ENPP4: variants seen among roughly 807,000 people sequenced by gnomAD.
ENPP4 encodes the protein bis(5'-adenosyl)-triphosphatase ENPP4.
A neutral mutation model predicts 33.4 loss-of-function variants in ENPP4; 18 were observed. The ratio of observed to expected loss-of-function variants is 0.54; its 90% CI spans 0.37 to 0.80. The LOEUF (loss-of-function observed/expected upper bound fraction) is 0.80, where lower values mean the gene tolerates loss of function less well. ENPP4 is among the 30% of genes least tolerant of loss of function. The probability of loss-of-function intolerance (pLI) is 0.00; values close to 1 mark genes in which losing one functional copy is unlikely to be tolerated. For synonymous variants in ENPP4, 172 were observed against 189.9 expected, an observed-to-expected ratio of 0.91 and a Z score of 0.78; for missense variants, 480 against 541.7, an observed-to-expected ratio of 0.89 and a Z score of 1.13.
At position 46,133,990 on chromosome 6, in the gene ENPP4, T is replaced by C. The variant is rs1200301793; in HGVS notation, c.-34+3801T>C. 2.6e-5 allele frequency among the ~76,000 whole-genome samples: 4 copies of C among 152,304 alleles called. No homozygotes were observed. In the East Asian group the frequency reaches 7.7e-4, roughly 29 times the overall value. ...AGTAAGAACACAGTGAAGCAACTGA[T>C]TGCTTTCTGAGCCCGGCTAATCACT... On this transcript the variant is annotated intron_variant, in intron 1 of 3. Transcript: ENST00000321037.
intron 1 of ENPP4, among the ~76,000 whole-genome samples, chr6:46,132,963 A>G (rs10807335): frequency 0.45 from 67,645 of 151,308 alleles, 16,398 homozygotes; most frequent in South Asian, 0.68. Context: ...TCTGTTGTTG[A>G]TGTATAAGAA....
intron 1 of ENPP4, among the ~76,000 whole-genome samples, chr6:46,138,215 A>G (rs1234150598): frequency 6.6e-6 from 1 of 151,762 alleles, no homozygotes; most frequent in East Asian, 1.9e-4. Flanking sequence ...AAACTTCTCT[A>G]CTTCTTACTT....
In ENPP4 at chr6:46,143,513, T is replaced by C. The variant is rs1018417597; in HGVS notation, c.1235T>C (p.Ile412Thr). 6.2e-7 allele frequency: 1 copy of C among 1,612,904 alleles called. No individual in the cohort carries two copies. The highest frequency in any genetic ancestry group is 1.7e-5 in the Admixed American group (1 of 59,930). Residue 412 changes from isoleucine to threonine, a missense_variant, in exon 4 of 4, where the codon ATC (isoleucine) becomes ACC (threonine). Physicochemically the swap from Ile to Thr is moderately conservative, Grantham distance 89. This residue lies in a region of ENPP4 where 249 missense variants were observed against 251.8 expected (regional missense o/e 0.99). Coordinates refer to ENST00000321037, the MANE Select transcript of ENPP4 (RefSeq NM_014936.5). ...INLPEAIAIVIGSLLVLTMLT... is the reference protein window; with the variant it reads ...INLPEAIAIVTGSLLVLTMLT... ...CTCCCAGAAGCCATCGCGATTGTTATCGGTTCACTCTTGGTGTTAACCATG... is the reference window on the plus strand; with the variant it reads ...CTCCCAGAAGCCATCGCGATTGTTACCGGTTCACTCTTGGTGTTAACCATG...
At chr6:46,131,543 A>C (rs2127491478) in intron 1 of ENPP4, among the ~76,000 whole-genome samples, 1 of 152,168 alleles carries the variant, frequency 6.6e-6, no homozygotes, top group Admixed American at 6.5e-5. Flanking sequence ...ACATTTTCTT[A>C]ATCCAGTCTA....
intron 1 of ENPP4, among the ~76,000 whole-genome samples, chr6:46,136,424 A>G (rs1257121813): frequency 2.6e-5 from 4 of 152,004 alleles, no homozygotes; most frequent in Non-Finnish European, 4.4e-5. Context: ...ATATTCTGGA[A>G]GTGCAAACTA....
At position 46,143,597 on chromosome 6, in the gene ENPP4, G is replaced by T; in HGVS notation, c.1319G>T (p.Arg440Leu). 6.2e-7 allele frequency: 1 copy of T among 1,611,852 alleles called. No individual in the cohort carries two copies. Among genetic ancestry groups the T allele is most frequent in the Non-Finnish European group, 8.5e-7 (1 of 1,178,558 alleles). The stretch of plus-strand genomic sequence containing the variant: ...CTTTCTGTACCTCGTCCATTTTCTC[G>T]ACTTCAGCTACAAGAAGATGATGAT... ...NRLSVPRPFS[R>L]LQLQEDDDDP... The change falls in exon 4 of 4, where the codon CGA (arginine) becomes CTA (leucine). Residue 440 changes from arginine (R) to leucine (L), a missense_variant. This residue lies in a region of ENPP4 where 249 missense variants were observed against 251.8 expected (regional missense o/e 0.99). Coordinates refer to ENST00000321037, the MANE Select transcript of ENPP4 (RefSeq NM_014936.5).
chr6:46,146,678 TTAAATA>T lies in ENPP4; in HGVS notation c.*3043_*3048del, dbSNP rs1459432934. 6.6e-6 allele frequency: 1 copy of T among 152,008 alleles called. No individual in the cohort carries two copies. Among genetic ancestry groups the T allele is most frequent in the Non-Finnish European group, 1.5e-5 (1 of 67,908 alleles). The allele number at this position is 152,008 out of a possible 1,614,324, so 9.4% of individuals were successfully genotyped here. ...TACCAAAAAATTCTTACTGTAATTA[TTAAATA>T]TAAAGTTCAGTGTCACTGGTGATTT... On this transcript the variant is annotated 3_prime_UTR_variant, in exon 4 of 4. Coordinates refer to ENST00000321037, the MANE Select transcript of ENPP4 (RefSeq NM_014936.5).
intron 1 of ENPP4, among the ~76,000 whole-genome samples, chr6:46,136,650 A>G (rs1036622237): frequency 3.3e-5 from 5 of 151,936 alleles, no homozygotes; most frequent in African/African-American, 1.2e-4. Context: ...GGCTTTTTGT[A>G]TAGGCAGGGG....
At position 46,138,732 on chromosome 6, in the gene ENPP4, A is replaced by G. The variant is rs368324616; in HGVS notation, c.-33-819A>G. On this transcript the variant is annotated intron_variant, in intron 1 of 3. Coordinates refer to ENST00000321037, the MANE Select transcript of ENPP4 (RefSeq NM_014936.5). Reference sequence around the variant, plus strand: ...TTAGAGACCAAAGAAGATAGAGAGCAAAGGCAGGGAGATTTATTAGGGAAA... The same window carrying G: ...TTAGAGACCAAAGAAGATAGAGAGCGAAGGCAGGGAGATTTATTAGGGAAA... Among the ~76,000 whole-genome samples the G allele has an allele frequency of 3.1e-4, 47 of 152,040 alleles. No homozygotes were observed. The South Asian group carries it at 8.9e-3, about 29-fold the overall frequency.
Position 46,135,910 on chromosome 6 carries a change from G to T in ENPP4, c.-33-3641G>T, listed in dbSNP as rs377159805. ...ATATCCAGTTGTCCCTCTACCATTTGTTGAATTGTCTTGGCACCCCTCTGC... is the reference window on the plus strand; with the variant it reads ...ATATCCAGTTGTCCCTCTACCATTTTTTGAATTGTCTTGGCACCCCTCTGC... On this transcript the variant is annotated intron_variant, in intron 1 of 3. Coordinates refer to ENST00000321037, the MANE Select transcript of ENPP4 (RefSeq NM_014936.5). Among the ~76,000 whole-genome samples the T allele has an allele frequency of 2.6e-4, 40 of 152,088 alleles. No homozygotes were observed. In the South Asian group the frequency reaches 7.9e-3, roughly 30 times the overall value.
chr6:46,140,042 T>C lies in ENPP4; in HGVS notation c.459T>C (p.Asn153=). 2 of 1,612,662 alleles carry C rather than the reference T, an allele frequency of 1.2e-6. No homozygotes were observed. Among genetic ancestry groups the C allele is most frequent in the Non-Finnish European group, 1.7e-6 (2 of 1,179,018 alleles). The change falls in exon 2 of 4, where the codon AAT becomes AAC. Residue 153 remains asparagine, a synonymous_variant. Coordinates refer to ENST00000321037, the MANE Select transcript of ENPP4 (RefSeq NM_014936.5). The stretch of plus-strand genomic sequence containing the variant: ...ATACCATCTCTTCCTATTTTATGAA[T>C]TACAACTCCTCAGTGTCATTTGAGG... ...IHDTISSYFM[N]YNSSVSFEER...
chr6:46,131,620 G>A (rs1195563802), intron 1 of ENPP4, among the ~76,000 whole-genome samples: 2 of 152,290 alleles, frequency 1.3e-5, no homozygotes, highest in South Asian at 2.1e-4. Flanking sequence ...ATGAACATAT[G>A]TGTGCATGTG....
Position 46,141,191 on chromosome 6 carries a change from G to C in ENPP4, c.966G>C (p.Trp322Cys). The C allele has an allele frequency of 6.2e-7, 1 of 1,609,004 alleles. No homozygotes were observed. The highest frequency in any genetic ancestry group is 1.1e-5 in the South Asian group (1 of 90,790). ...QPIILVADEG[W>C]TIVLNESSQK... Reference sequence around the variant, plus strand: ...TTATTTTGGTTGCCGATGAAGGCTGGACAATTGTGCTAAATGAATCATCAC... The same window carrying C: ...TTATTTTGGTTGCCGATGAAGGCTGCACAATTGTGCTAAATGAATCATCAC... The change falls in exon 3 of 4, where the codon TGG (tryptophan) becomes TGC (cysteine). Residue 322 changes from tryptophan to cysteine, a missense_variant. Around this residue, in one of 3 missense-constraint regions of ENPP4, gnomAD observed 249 missense variants for 251.8 expected, o/e 0.99. Coordinates refer to ENST00000321037, the MANE Select transcript of ENPP4 (RefSeq NM_014936.5).
intron 1 of ENPP4, among the ~76,000 whole-genome samples, chr6:46,139,140 A>C (rs1033766940): frequency 1.3e-5 from 2 of 151,794 alleles, no homozygotes; most frequent in Non-Finnish European, 2.9e-5. Context: ...ATAAAGTACA[A>C]TTTATTAAAC....
chr6:46,142,024 A>T (rs941361242), intron 3 of ENPP4, among the ~76,000 whole-genome samples: 6 of 151,562 alleles, frequency 4.0e-5, no homozygotes, highest in African/African-American at 1.2e-4. Flanking sequence ...TACAAAAAGG[A>T]TGGAGGGCTA....
intron 3 of ENPP4, among the ~76,000 whole-genome samples, chr6:46,142,359 TAA>T (rs1764075981): frequency 1.4e-5 from 2 of 140,240 alleles, no homozygotes; most frequent in Admixed American, 7.3e-5. Context: ...GTAATATATA[TAA>T]TATATATAAT....
rs775132934 is a variant in ENPP4 at position 46,143,633 on chromosome 6, T to C, written c.1355T>C (p.Ile452Thr). The change falls in exon 4 of 4, where the codon ATT becomes ACT. Residue 452 changes from isoleucine to threonine, a missense_variant. Around this residue, in one of 3 missense-constraint regions of ENPP4, gnomAD observed 249 missense variants for 251.8 expected, o/e 0.99. Coordinates refer to ENST00000321037, the MANE Select transcript of ENPP4 (RefSeq NM_014936.5). ...CAAGAAGATGATGATGATCCTTTAA[T>C]TGGGTGACATGTGCTAGGGCTTATA... ...QLQEDDDDPLIG is the reference protein window; with the variant it reads ...QLQEDDDDPLTG The C allele has an allele frequency of 1.9e-5, 30 of 1,608,022 alleles. No individual in the cohort carries two copies. Among genetic ancestry groups the C allele is most frequent in the African/African-American group, 1.1e-4 (8 of 74,764 alleles).
chr6:46,135,244 T>G (rs990130890), intron 1 of ENPP4, among the ~76,000 whole-genome samples: 1 of 152,098 alleles, frequency 6.6e-6, no homozygotes, highest in African/African-American at 2.4e-5. Context: ...TTTAACCCTT[T>G]GAAGACTGCC....
Position 46,140,403 on chromosome 6 carries a change from A to C in ENPP4, c.820A>C (p.Lys274Gln). ...DLSPVAAILP[K>Q]INRTEVYNKL... ...GAGCCCAGTTGCTGCAATACTTCCC[A>C]AAATAAGTAAGTAAACATTCAACTG... The change falls in exon 2 of 4, where the codon AAA (lysine) becomes CAA (glutamine). Residue 274 changes from lysine to glutamine, a missense_variant. Around this residue, in one of 3 missense-constraint regions of ENPP4, gnomAD observed 249 missense variants for 251.8 expected, o/e 0.99. Transcript: ENST00000321037. 6.5e-7 allele frequency: 1 copy of C among 1,547,458 alleles called. No individual in the cohort carries two copies. Among genetic ancestry groups the C allele is most frequent in the Non-Finnish European group, 8.7e-7 (1 of 1,146,110 alleles).
Sources: allele counts gnomAD v4.1 joint callset (sites outside exome capture counted in the v4.1 genomes callset), GRCh38; gene constraint gnomAD v4.1.1; regional missense constraint gnomAD v4.1.1; transcripts MANE v1.5; gene names NCBI Gene and HGNC (gene_info 2026-07-23, HGNC 2026-07-21).